The following ADAMTS17 variants were observed in gnomAD, a reference collection of about 807,000 sequenced individuals.
The protein encoded by ADAMTS17 is ADAM metallopeptidase with thrombospondin type 1 motif 17, also known as A disintegrin and metalloproteinase with thrombospondin motifs 17.
ADAMTS17 carries 113 observed loss-of-function variants against 141.5 expected under a neutral mutation model. That is an observed-to-expected ratio of 0.80 (90% CI 0.69 to 0.93). The LOEUF is 0.93. ADAMTS17 is among the 40% of genes least tolerant of loss of function. The pLI is 0.00. For synonymous variants in ADAMTS17, 768 were observed against 630.6 expected, an observed-to-expected ratio of 1.22 and a Z score of -3.27; for missense variants, 1,659 against 1,517.9, an observed-to-expected ratio of 1.09 and a Z score of -1.54.
chr15:100,323,996 A>G (rs2045817463), intron 3 of ADAMTS17, among the ~76,000 whole-genome samples: 1 of 150,748 alleles, frequency 6.6e-6, no homozygotes, highest in Admixed American at 6.7e-5. Context: ...GAACGCCATC[A>G]GTCACATCCG....
intron 8 of ADAMTS17, among the ~76,000 whole-genome samples, chr15:100,162,706 G>A (rs1304954012): frequency 1.6e-5 from 2 of 127,892 alleles, no homozygotes; most frequent in South Asian, 2.5e-4. Flanking sequence ...GTATATATAT[G>A]CACATATACA....
rs969970939 is a variant in ADAMTS17 at position 100,118,224 on chromosome 15, C to A, written c.1722-1211G>T. 2.0e-5 allele frequency among the ~76,000 whole-genome samples: 3 copies of A among 152,226 alleles called. No individual in the cohort carries two copies. The East Asian group carries it at 5.8e-4, about 29-fold the overall frequency. On this transcript the variant is annotated intron_variant, in intron 12 of 21. Transcript: ENST00000268070. The stretch of plus-strand genomic sequence containing the variant: ...GTGGCACAAAAGCAGCTAGAGATAA[C>A]ATGTAAAAGAACAGGCATGGCTGTG...
chr15:100,241,296 C>A (rs1596343261), intron 7 of ADAMTS17, among the ~76,000 whole-genome samples: 1 of 152,182 alleles, frequency 6.6e-6, no homozygotes. Flanking sequence ...TTCCACCACA[C>A]CCTGGCAGGT....
intron 14 of ADAMTS17, among the ~76,000 whole-genome samples, chr15:100,099,103 A>C (rs7182020): frequency 0.39 from 58,999 of 152,100 alleles, 13,168 homozygotes; most frequent in African/African-American, 0.62. Flanking sequence ...GCCCCAAAGA[A>C]GGGGGCTTTT....
chr15:100,281,097 C>G (rs1342854316), intron 4 of ADAMTS17, 132 bp downstream of exon 4: 6 of 1,302,294 alleles, frequency 4.6e-6, no homozygotes, highest in African/African-American at 2.9e-5. Flanking sequence ...CCAGAATTAC[C>G]AGGCTATGTT....
chr15:100,109,403 CAA>C (rs1210805556), intron 13 of ADAMTS17, among the ~76,000 whole-genome samples: 2 of 149,720 alleles, frequency 1.3e-5, no homozygotes, highest in African/African-American at 4.9e-5. Context: ...ACCCGGTGAA[CAA>C]AGGAAGAGTT....
At chr15:100,294,482 C>T (rs576376180) in intron 3 of ADAMTS17, among the ~76,000 whole-genome samples, 224 of 152,112 alleles carry the variant, frequency 1.5e-3, no homozygotes, top group Middle Eastern at 3.4e-3. Context: ...TACCTGTAAC[C>T]CCAGAGCTAT....
At chr15:100,307,255 G>A (rs972366472) in intron 3 of ADAMTS17, among the ~76,000 whole-genome samples, 1 of 152,154 alleles carries the variant, frequency 6.6e-6, no homozygotes, top group African/African-American at 2.4e-5. Context: ...AGAGGGATGA[G>A]TCCAGGGCTG....
intron 7 of ADAMTS17, among the ~76,000 whole-genome samples, chr15:100,213,853 G>A (rs1327577685): frequency 1.3e-5 from 2 of 152,222 alleles, no homozygotes; most frequent in African/African-American, 4.8e-5. Context: ...ATCTGGCCCC[G>A]TCCCAGCCGG....
intron 8 of ADAMTS17, among the ~76,000 whole-genome samples, chr15:100,158,147 A>C (rs867424615): frequency 6.6e-6 from 1 of 152,176 alleles, no homozygotes; most frequent in African/African-American, 2.4e-5. Context: ...TCGGCCTCCC[A>C]AAGTGCTGGG....
At chr15:100,241,052 C>T (rs2042813068) in intron 7 of ADAMTS17, among the ~76,000 whole-genome samples, 1 of 152,182 alleles carries the variant, frequency 6.6e-6, no homozygotes, top group Admixed American at 6.5e-5. Flanking sequence ...TCTCGAACTC[C>T]TGACCTTGTG....
Position 100,152,769 on chromosome 15 carries a change from C to A in ADAMTS17, c.1323-7G>T. 6.2e-7 allele frequency: 1 copy of A among 1,614,122 alleles called. No homozygotes were observed. The highest frequency in any genetic ancestry group is 8.5e-7 in the Non-Finnish European group (1 of 1,180,032). On this transcript the variant is annotated splice_polypyrimidine_tract_variant and splice_region_variant and intron_variant, in intron 9 of 21. Transcript: ENST00000268070. ...GCAGGTGCTGACTTTTGACCTGAAA[C>A]AGCCGAGAGGCAAGTTGACTTGCAA...
chr15:100,280,014 T>C (rs1435888817), intron 4 of ADAMTS17, among the ~76,000 whole-genome samples: 4 of 152,236 alleles, frequency 2.6e-5, no homozygotes, highest in African/African-American at 4.8e-5. Context: ...TGGTGCTCCA[T>C]GGGCTGTCTT....
intron 20 of ADAMTS17, chr15:99,979,386 C>T (rs1325866232): frequency 1.1e-4 from 10 of 90,178 alleles, no homozygotes; most frequent in African/African-American, 2.8e-4. Flanking sequence ...AAGACTCCAT[C>T]TCAAAAAAAA....
In ADAMTS17 at chr15:100,050,164, T is replaced by G. The variant is rs536737200; in HGVS notation, c.2456-1172A>C. Among the ~76,000 whole-genome samples the G allele has an allele frequency of 3.3e-5, 5 of 152,278 alleles. No homozygotes were observed. The South Asian group carries it at 1.0e-3, about 32-fold the overall frequency. ...GAGTACAGAAAGCACGGAACTGCTT[T>G]CAGCTTTGGTGGCAGGTCTGACCAC... On this transcript the variant is annotated intron_variant, in intron 17 of 21. Coordinates refer to ENST00000268070, the MANE Select transcript of ADAMTS17 (RefSeq NM_139057.4).
chr15:99,999,342 T>C (rs2060871173), intron 18 of ADAMTS17, among the ~76,000 whole-genome samples: 1 of 152,170 alleles, frequency 6.6e-6, no homozygotes. Context: ...TCAAGCAGCG[T>C]GAGCAGAACA....
chr15:99,988,275 G>A (rs1246354278), intron 20 of ADAMTS17, among the ~76,000 whole-genome samples: 2 of 152,052 alleles, frequency 1.3e-5, no homozygotes, highest in African/African-American at 4.8e-5. Flanking sequence ...CCTTCCCACG[G>A]TCATGAGTGG....
At chr15:100,200,648 G>A (rs1021104747) in intron 7 of ADAMTS17, among the ~76,000 whole-genome samples, 1 of 152,204 alleles carries the variant, frequency 6.6e-6, no homozygotes, top group African/African-American at 2.4e-5. Context: ...TGCTCCCCTG[G>A]CTGTGCAGTC....
intron 7 of ADAMTS17, among the ~76,000 whole-genome samples, chr15:100,205,536 T>C (rs755148923): frequency 3.9e-5 from 6 of 152,088 alleles, no homozygotes; most frequent in African/African-American, 1.2e-4. Flanking sequence ...CAGGGAGCAA[T>C]GTAACGTTTG....
Sources: allele counts gnomAD v4.1 joint callset (sites outside exome capture counted in the v4.1 genomes callset), GRCh38; gene constraint gnomAD v4.1.1; transcripts MANE v1.5; gene names NCBI Gene and HGNC (gene_info 2026-07-23, HGNC 2026-07-21).